Variants in TANC2 observed in about 807,000 individuals in gnomAD.
TANC2 encodes the protein protein TANC2.
Under a neutral mutation model 210.5 loss-of-function variants are expected in TANC2, and 26 were observed. The observed-to-expected ratio is 0.12, with a 90% CI of 0.09 to 0.17. The LOEUF (loss-of-function observed/expected upper bound fraction) is 0.17. Ranked by LOEUF, TANC2 falls within the 10% of genes least tolerant of loss-of-function variation. The pLI is 1.00. For synonymous variants in TANC2, 931 were observed against 967.1 expected, an observed-to-expected ratio of 0.96 and a Z score of 0.69; for missense variants, 2,129 against 2,608.9, an observed-to-expected ratio of 0.82 and a Z score of 4.01.
At chr17:63,367,205 T>G (rs757454574) in intron 14 of TANC2, among the ~76,000 whole-genome samples, 8 of 152,278 alleles carry the variant, frequency 5.3e-5, no homozygotes, top group African/African-American at 9.6e-5. Context: ...TTAGTGAGCT[T>G]CTTCTCCTCT....
At chr17:63,244,632 TCTGCCA>T (rs781083788) in intron 8 of TANC2, among the ~76,000 whole-genome samples, 3 of 152,362 alleles carry the variant, frequency 2.0e-5, no homozygotes, top group Non-Finnish European at 4.4e-5. Context: ...TTGTGGATGG[TCTGCCA>T]CTGCAGGCTT....
At chr17:63,410,988 A>G (rs1331338691) in intron 21 of TANC2, among the ~76,000 whole-genome samples, 1 of 151,848 alleles carries the variant, frequency 6.6e-6, no homozygotes, top group East Asian at 1.9e-4. Context: ...CATACTTAAG[A>G]TGAGGTAGCA....
At chr17:63,135,609 T>A (rs1018712430) in intron 4 of TANC2, among the ~76,000 whole-genome samples, 19 of 152,288 alleles carry the variant, frequency 1.2e-4, no homozygotes, top group African/African-American at 4.6e-4. Context: ...AGAGATAGGA[T>A]TTCTGGTAAA....
chr17:63,011,278 C>T (rs1018142700), intron 2 of TANC2, among the ~76,000 whole-genome samples: 2 of 151,752 alleles, frequency 1.3e-5, no homozygotes, highest in Non-Finnish European at 2.9e-5. Context: ...TTATTGAATT[C>T]TAGCTTAATT....
chr17:63,038,263 C>G (rs1268946282), intron 2 of TANC2, among the ~76,000 whole-genome samples: 1 of 152,120 alleles, frequency 6.6e-6, no homozygotes, highest in African/African-American at 2.4e-5. Context: ...TTTCTCTGAT[C>G]AAGTAATAAG....
intron 4 of TANC2, among the ~76,000 whole-genome samples, chr17:63,146,221 TGTATAGAAATACAACTAACTTGTGA>T (rs2039458551): frequency 6.6e-6 from 1 of 152,140 alleles, no homozygotes; most frequent in African/African-American, 2.4e-5. Context: ...TCATTGTTAG[TGTATAGAAATACAACTAACTTGTGA>T]GTTGATTATG....
At chr17:63,355,683 C>T (rs143972809) in intron 14 of TANC2, among the ~76,000 whole-genome samples, 2,360 of 152,208 alleles carry the variant, frequency 0.016, 21 homozygotes, top group Middle Eastern at 0.031. Flanking sequence ...ATTAAGTTAA[C>T]CATTTAATGG....
At chr17:63,069,599 C>G (rs2144618619) in intron 2 of TANC2, among the ~76,000 whole-genome samples, 2 of 152,228 alleles carry the variant, frequency 1.3e-5, no homozygotes, top group Middle Eastern at 3.4e-3. Flanking sequence ...TCTTATTATG[C>G]CCACATACTG....
At chr17:63,080,288 T>C (rs2144709859) in intron 3 of TANC2, among the ~76,000 whole-genome samples, 1 of 152,342 alleles carries the variant, frequency 6.6e-6, no homozygotes, top group East Asian at 1.9e-4. Flanking sequence ...ATTTTCTGCA[T>C]TAAATGATTT....
In TANC2 at chr17:63,077,947, G is replaced by T. The variant is rs568649695; in HGVS notation, c.139+3933G>T. ...TTATTTTTGCATCTATATTCACATG[G>T]AATATTGACTTTTCATTTTCTTGTT... On this transcript the variant is annotated intron_variant, in intron 3 of 27. Coordinates refer to ENST00000689528, the Ensembl canonical transcript of TANC2. Among the ~76,000 whole-genome samples the T allele has an allele frequency of 2.6e-5, 4 of 152,204 alleles. No individual in the cohort carries two copies. The South Asian group carries it at 8.3e-4, about 32-fold the overall frequency.
intron 12 of TANC2, among the ~76,000 whole-genome samples, chr17:63,347,050 G>T (rs966414705): frequency 3.9e-5 from 6 of 152,046 alleles, no homozygotes; most frequent in African/African-American, 1.4e-4. Flanking sequence ...TTATGACCAA[G>T]CAACTCTATT....
intron 7 of TANC2, among the ~76,000 whole-genome samples, chr17:63,234,774 T>G (rs903451024): frequency 1.3e-5 from 2 of 152,198 alleles, no homozygotes; most frequent in African/African-American, 4.8e-5. Context: ...ATGATTAAGA[T>G]TCCAAGTAAT....
chr17:63,281,845 A>G (rs2044068388), intron 9 of TANC2, among the ~76,000 whole-genome samples: 2 of 152,242 alleles, frequency 1.3e-5, no homozygotes, highest in South Asian at 4.1e-4. Flanking sequence ...ATTTGGAGGC[A>G]GAAGTTGGAG....
At chr17:63,106,281 C>T (rs1363603675) in intron 4 of TANC2, among the ~76,000 whole-genome samples, 1 of 151,494 alleles carries the variant, frequency 6.6e-6, no homozygotes, top group Non-Finnish European at 1.5e-5. Flanking sequence ...CAGAGCTCGA[C>T]AGTAAAGTGG....
At chr17:63,321,491 A>G (rs1284344757) in intron 11 of TANC2, among the ~76,000 whole-genome samples, 5 of 152,308 alleles carry the variant, frequency 3.3e-5, no homozygotes, top group South Asian at 2.1e-4. Context: ...TTGTGTGTGT[A>G]GAGAGCTTGA....
At chr17:63,027,633 GT>G (rs1331748556) in intron 2 of TANC2, among the ~76,000 whole-genome samples, 1 of 151,726 alleles carries the variant, frequency 6.6e-6, no homozygotes, top group Non-Finnish European at 1.5e-5. Context: ...TTATGCTTCT[GT>G]TTTTTTGAGA....
At chr17:63,177,502 G>C (rs900656722) in intron 5 of TANC2, among the ~76,000 whole-genome samples, 3 of 151,884 alleles carry the variant, frequency 2.0e-5, no homozygotes, top group Non-Finnish European at 4.4e-5. Context: ...TTTTATCGTA[G>C]TCTGCTAATT....
At chr17:63,077,174 T>C (rs1465884844) in intron 3 of TANC2, among the ~76,000 whole-genome samples, 1 of 152,314 alleles carries the variant, frequency 6.6e-6, no homozygotes, top group East Asian at 1.9e-4. Context: ...GGCTTTGCAC[T>C]TCTCAGTCGT....
rs564234284 is a variant in TANC2, at chr17:63,191,636, T to C, written c.434-2355T>C. Among the ~76,000 whole-genome samples, 40 of 151,896 alleles carry C rather than the reference T, an allele frequency of 2.6e-4. No homozygotes were observed. The South Asian group carries it at 8.4e-3, about 32-fold the overall frequency. Reference sequence around the variant, plus strand: ...CGCCACCACACCCAGCCAATTTTTGTATTTTTTGCAGAGACGGGGTTTCAC... The same window carrying C: ...CGCCACCACACCCAGCCAATTTTTGCATTTTTTGCAGAGACGGGGTTTCAC... On this transcript the variant is annotated intron_variant, in intron 5 of 27. Transcript: ENST00000689528.
Sources: gnomAD v4.1 joint callset for allele counts (sites outside exome capture counted in the v4.1 genomes callset) on GRCh38, gnomAD v4.1.1 for gene constraint, MANE v1.5 for transcripts, NCBI Gene and HGNC (gene_info 2026-07-23, HGNC 2026-07-21) for gene names.